Variants in VARS1 observed in about 807,000 individuals in gnomAD.
VARS1 encodes the protein valine--tRNA ligase.
VARS1 carries 92 observed loss-of-function variants against 161.0 expected under a neutral mutation model. That is an observed-to-expected ratio of 0.57 (90% CI 0.48 to 0.68). VARS1 has a LOEUF of 0.68. VARS1 is among the 30% of genes least tolerant of loss of function. The probability of loss-of-function intolerance (pLI) is 0.00; values close to 1 mark genes in which losing one functional copy is unlikely to be tolerated. For missense variants in VARS1, 1,338 were observed against 1,695.9 expected, an observed-to-expected ratio of 0.79 and a Z score of 3.71; for synonymous variants, 595 against 682.5, an observed-to-expected ratio of 0.87 and a Z score of 2.00.
Position 31,782,135 on chromosome 6 carries a change from G to A in VARS1, c.2193C>T (p.Ile731=). The change falls in exon 18 of 30, where the codon ATC becomes ATT. Residue 731 remains isoleucine, a synonymous_variant. Coordinates refer to ENST00000375663, the MANE Select transcript of VARS1 (RefSeq NM_006295.3). This position sits in a 1 kb window ranked among gnomAD's most constrained non-coding sequence, Gnocchi z 8.3. ...ISRQLWWGHR[I]PAYFVTVSDP... ...CACTGACAGTGACAAAGTAGGCTGG[G>A]ATGCGATGGCCCCACCACAGCTGCC... 1 of 1,614,006 alleles carries A rather than the reference G, an allele frequency of 6.2e-7. No homozygotes were observed. Among genetic ancestry groups the A allele is most frequent in the Non-Finnish European group, 8.5e-7 (1 of 1,179,970 alleles).
Position 31,792,509 on chromosome 6 carries a change from C to T in VARS1, c.669G>A (p.Glu223=). 6.2e-7 allele frequency: 1 copy of T among 1,613,650 alleles called. No homozygotes were observed. The highest frequency in any genetic ancestry group is 2.2e-5 in the East Asian group (1 of 44,826). ...ARPLSHQPGP[E]APALPKTAAQ... ...CAGCTGTCTTTGGGAGGGCAGGAGCCTCGGGGCCTAGAGAGAGGTGCAGAA... is the reference window on the plus strand; with the variant it reads ...CAGCTGTCTTTGGGAGGGCAGGAGCTTCGGGGCCTAGAGAGAGGTGCAGAA... Residue 223 remains glutamate (E), a synonymous_variant, in exon 5 of 30, where the codon GAG becomes GAA. Transcript: ENST00000375663.
rs368578379 is a variant in VARS1 at position 31,777,614 on chromosome 6, G to T, written c.3775C>A (p.Leu1259Ile). 2.5e-6 allele frequency: 4 copies of T among 1,614,128 alleles called. No homozygotes were observed. The highest frequency in any genetic ancestry group is 3.4e-6 in the Non-Finnish European group (4 of 1,180,006). ...ELRKVDEAIA[L>I]FQKML ...GTGGATCACAGCATCTTCTGGAATA[G>T]GGCGATGGCCTCATCCACCTTCCTG... Residue 1259 changes from leucine to isoleucine, a missense_variant, in exon 30 of 30, where the codon CTA (leucine) becomes ATA (isoleucine). This residue lies in a region of VARS1 where 433 missense variants were observed against 586.2 expected (regional missense o/e 0.74). Transcript: ENST00000375663. The surrounding 1 kb of genome is among the most constrained non-coding windows in gnomAD (Gnocchi z 5.8).
Position 31,792,568 on chromosome 6 carries a change from C to T in VARS1, c.662-52G>A, listed in dbSNP as rs113020176. On this transcript the variant is annotated intron_variant, in intron 4 of 29. Coordinates refer to ENST00000375663, the MANE Select transcript of VARS1 (RefSeq NM_006295.3). Reference sequence around the variant, plus strand: ...TCAGCCAGCTGGGGACCCTCTTGGACGGCCATACTAGGTTTCAGATGGGGT... The same window carrying T: ...TCAGCCAGCTGGGGACCCTCTTGGATGGCCATACTAGGTTTCAGATGGGGT... The T allele has an allele frequency of 4.0e-5, 65 of 1,612,272 alleles. 2 individuals carry two copies. Among genetic ancestry groups the T allele is most frequent in the African/African-American group, 3.7e-4 (28 of 74,828 alleles).
At position 31,794,867 on chromosome 6, in the gene VARS1, C is replaced by T; in HGVS notation, c.351G>A (p.Pro117=). Residue 117 remains proline, a synonymous_variant, in exon 2 of 30, where the codon CCG becomes CCA. Transcript: ENST00000375663. ...GGGCCGAGCTTCGGAGTCCCAGGGC[C>T]GGCAGCGTTGCTCCACAGGCAGCTG... ...LIPAACGATL[P]ALGLRSSAQD... is the part of the protein sequence containing the mutation. 6.2e-7 allele frequency: 1 copy of T among 1,610,254 alleles called. No homozygotes were observed. The highest frequency in any genetic ancestry group is 1.1e-5 in the South Asian group (1 of 90,970).
At chr6:31,783,461 G>GGCT (rs1813294107) in intron 13 of VARS1, among the ~76,000 whole-genome samples, 1 of 152,080 alleles carries the variant, frequency 6.6e-6, no homozygotes, top group Non-Finnish European at 1.5e-5. Flanking sequence ...AGTGAGCCAA[G>GGCT]ATGGTGCCAC....
rs372389450 is a variant in VARS1, at chr6:31,779,955, C to T, written c.3081+43G>A. On this transcript the variant is annotated intron_variant, in intron 26 of 29. Transcript: ENST00000375663. This position sits in a 1 kb window ranked among gnomAD's most constrained non-coding sequence, Gnocchi z 9.1. ...AAACTGAGCCCAGGGCTCTGCTGCCCACCTGCCCCCACCATCCCCTGCCCC... is the reference window on the plus strand; with the variant it reads ...AAACTGAGCCCAGGGCTCTGCTGCCTACCTGCCCCCACCATCCCCTGCCCC... 7.8e-5 allele frequency: 125 copies of T among 1,610,280 alleles called. No individual in the cohort carries two copies. The highest frequency in any genetic ancestry group is 9.5e-5 in the Non-Finnish European group (112 of 1,178,222).
In VARS1 at chr6:31,780,339, T is replaced by C; in HGVS notation, c.2925+102A>G. The C allele has an allele frequency of 6.5e-7, 1 of 1,544,792 alleles. No homozygotes were observed. Among genetic ancestry groups the C allele is most frequent in the Non-Finnish European group, 8.7e-7 (1 of 1,145,672 alleles). On this transcript the variant is annotated intron_variant, in intron 25 of 29. Transcript: ENST00000375663. This position sits in a 1 kb window ranked among gnomAD's most constrained non-coding sequence, Gnocchi z 5.1. ...GCGCTGGGCTTTCCCTTTAACTGTC[T>C]GTCTCTGTGTCTATCTGTCCCCCCA... is the stretch of plus-strand genomic sequence containing the variant.
chr6:31,786,246 T>G, intron 8 of VARS1, among the ~76,000 whole-genome samples: 1 of 150,420 alleles, frequency 6.6e-6, no homozygotes. Context: ...GGTGACAGAG[T>G]GAGACTCCGT....
At position 31,778,971 on chromosome 6, in the gene VARS1, G is replaced by A. The variant is rs1436036900; in HGVS notation, c.3722C>T (p.Ala1241Val). 6.2e-7 allele frequency: 1 copy of A among 1,613,054 alleles called. No homozygotes were observed. Among genetic ancestry groups the A allele is most frequent in the East Asian group, 2.2e-5 (1 of 44,892 alleles). Residue 1241 changes from alanine (A) to valine (V), a missense_variant, in exon 29 of 30, where the codon GCC (alanine) becomes GTC (valine). Coordinates refer to ENST00000375663, the MANE Select transcript of VARS1 (RefSeq NM_006295.3). This position sits in a 1 kb window ranked among gnomAD's most constrained non-coding sequence, Gnocchi z 5.1. ...ATGCCCACCCAGGCCACACACCTTG[G>A]CTTCATCTGCCTCCTGGACTTCGAG... ...VPLEVQEADEAKLQQTEAELR... is the reference protein window; with the variant it reads ...VPLEVQEADEVKLQQTEAELR...
At chr6:31,786,910 A>G (rs1428767192) in intron 8 of VARS1, among the ~76,000 whole-genome samples, 2 of 152,010 alleles carry the variant, frequency 1.3e-5, no homozygotes, top group Non-Finnish European at 2.9e-5. Flanking sequence ...ACCAATAGTC[A>G]CAAAAAGAAA....
rs770966756 is a variant in VARS1, at chr6:31,795,214, A to G, written c.4T>C (p.Ser2Pro). ...GGGTGAGGGGAGACGTAGAGGGTGG[A>G]CATAGTTATGAGAAGGTCCGAACGA... M[S>P]TLYVSPHPDA... is the part of the protein sequence containing the mutation. The change falls in exon 2 of 30, where the codon TCC becomes CCC. Residue 2 changes from serine (S) to proline (P), a missense_variant. Around this residue, in one of 3 missense-constraint regions of VARS1, gnomAD observed 902 missense variants for 1,090.3 expected, o/e 0.83. Coordinates refer to ENST00000375663, the MANE Select transcript of VARS1 (RefSeq NM_006295.3). The surrounding 1 kb of genome is among the most constrained non-coding windows in gnomAD (Gnocchi z 6.9). 1 of 1,442,434 alleles carries G rather than the reference A, an allele frequency of 6.9e-7. No individual in the cohort carries two copies. The highest frequency in any genetic ancestry group is 1.6e-5 in the South Asian group (1 of 63,534). The allele number at this position is 1,442,434 out of a possible 1,614,324, so 89.4% of individuals were successfully genotyped here.
Position 31,781,495 on chromosome 6 carries a change from G to A in VARS1, c.2530C>T (p.Leu844=). ...TGTCTCCGCACCTCTCTAAAGGGCA[G>A]CCTGCCCGTGAGCTTCAGGCCCAGC... ...VMLGLKLTGR[L]PFREVYLHAI... The change falls in exon 21 of 30, where the codon CTG becomes TTG. Residue 844 remains leucine, a synonymous_variant. Coordinates refer to ENST00000375663, the MANE Select transcript of VARS1 (RefSeq NM_006295.3). The surrounding 1 kb of genome is among the most constrained non-coding windows in gnomAD (Gnocchi z 6.8). 1.9e-6 allele frequency: 3 copies of A among 1,612,714 alleles called. No homozygotes were observed. Among genetic ancestry groups the A allele is most frequent in the Non-Finnish European group, 8.5e-7 (1 of 1,179,940 alleles).
At position 31,777,631 on chromosome 6, in the gene VARS1, A is replaced by G. The variant is rs1213097005; in HGVS notation, c.3758T>C (p.Val1253Ala). 1.2e-6 allele frequency: 2 copies of G among 1,613,882 alleles called. No homozygotes were observed. Among genetic ancestry groups the G allele is most frequent in the Admixed American group, 1.7e-5 (1 of 60,004 alleles). Residue 1253 changes from valine (V) to alanine (A), a missense_variant, in exon 30 of 30, where the codon GTG becomes GCG. Coordinates refer to ENST00000375663, the MANE Select transcript of VARS1 (RefSeq NM_006295.3). The surrounding 1 kb of genome is among the most constrained non-coding windows in gnomAD (Gnocchi z 5.8). ...LQQTEAELRK[V>A]DEAIALFQKM... ...CTGGAATAGGGCGATGGCCTCATCC[A>G]CCTTCCTGAGCTCTGCTTCTGTCTG...
In VARS1 at chr6:31,791,811, C is replaced by T; in HGVS notation, c.972+60G>A. On this transcript the variant is annotated intron_variant, in intron 7 of 29. Coordinates refer to ENST00000375663, the MANE Select transcript of VARS1 (RefSeq NM_006295.3). This position sits in a 1 kb window ranked among gnomAD's most constrained non-coding sequence, Gnocchi z 5.0. ...CCCAGCCCCTCCCAGGCAACACATC[C>T]TTCAGTCCTGCCCTTCCCCACCCCA... The T allele has an allele frequency of 6.2e-7, 1 of 1,612,890 alleles. No individual in the cohort carries two copies.
chr6:31,783,189 G>A lies in VARS1; in HGVS notation c.1672-3C>T, dbSNP rs1224368666. On this transcript the variant is annotated splice_polypyrimidine_tract_variant and splice_region_variant and intron_variant, in intron 13 of 29. Transcript: ENST00000375663. ...ATCACGTTCTTCCCCTTCAGGTGCT[G>A]GGGGCGGAAAGATACCAAAAACGCA... is the stretch of plus-strand genomic sequence containing the variant. The A allele has an allele frequency of 1.9e-6, 3 of 1,612,180 alleles. No homozygotes were observed. The highest frequency in any genetic ancestry group is 2.2e-5 in the East Asian group (1 of 44,868).
chr6:31,785,247 G>T lies in VARS1; in HGVS notation c.1346C>A (p.Pro449His). The change falls in exon 10 of 30, where the codon CCT becomes CAT. Residue 449 changes from proline to histidine, a missense_variant and splice_region_variant. By Grantham distance (77) the Pro-to-His change is moderately conservative. Coordinates refer to ENST00000375663, the MANE Select transcript of VARS1 (RefSeq NM_006295.3). The surrounding 1 kb of genome is among the most constrained non-coding windows in gnomAD (Gnocchi z 6.1). The part of the protein sequence containing the change: ...DWDRACFTMD[P>H]KLSAAVTEAF... ...AGCTTTGACACTCCTCCCACGCACA[G>T]GGTCCATGGTGAAACAGGCTCGATC... 4 of 1,613,080 alleles carry T rather than the reference G, an allele frequency of 2.5e-6. No individual in the cohort carries two copies. Among genetic ancestry groups the T allele is most frequent in the Non-Finnish European group, 3.4e-6 (4 of 1,180,022 alleles).
chr6:31,789,131 T>C (rs1027330743), intron 8 of VARS1, among the ~76,000 whole-genome samples: 3 of 151,654 alleles, frequency 2.0e-5, no homozygotes, highest in Non-Finnish European at 4.4e-5. Flanking sequence ...TGAAAACAAA[T>C]AGTAACAGAA....
chr6:31,778,013 G>A lies in VARS1; in HGVS notation c.3727-351C>T, dbSNP rs371339629. Reference sequence around the variant, plus strand: ...GATGATGATATTGCCCCCCTCCCAGGGCTCTTGGGAGAACCAAGTGAGATT... The same window carrying A: ...GATGATGATATTGCCCCCCTCCCAGAGCTCTTGGGAGAACCAAGTGAGATT... On this transcript the variant is annotated intron_variant, in intron 29 of 29. Transcript: ENST00000375663. The surrounding 1 kb of genome is among the most constrained non-coding windows in gnomAD (Gnocchi z 5.1). 1.0e-4 allele frequency: 38 copies of A among 369,576 alleles called. No individual in the cohort carries two copies. The highest frequency in any genetic ancestry group is 7.4e-4 in the African/African-American group (36 of 48,750). 22.9% of individuals were successfully genotyped at this position (369,576 alleles called of 1,614,324 possible). A position where few individuals can be genotyped will look rare whatever the true frequency, so the allele number is the denominator to read the frequency against.
chr6:31,778,567 T>C lies in VARS1; in HGVS notation c.3726+400A>G, dbSNP rs1356905026. Among the ~76,000 whole-genome samples, 3 of 152,108 alleles carry C rather than the reference T, an allele frequency of 2.0e-5. No homozygotes were observed. The highest frequency in any genetic ancestry group is 7.2e-5 in the African/African-American group (3 of 41,408). ...CTCTGTTGCCCAGGCTCAAGTGCAG[T>C]GGCATGATCTCGGCTCACTGCAGTC... On this transcript the variant is annotated intron_variant, in intron 29 of 29. Coordinates refer to ENST00000375663, the MANE Select transcript of VARS1 (RefSeq NM_006295.3). The surrounding 1 kb of genome is among the most constrained non-coding windows in gnomAD (Gnocchi z 5.1).
Sources: allele counts gnomAD v4.1 joint callset (sites outside exome capture counted in the v4.1 genomes callset), GRCh38; gene constraint gnomAD v4.1.1; regional missense constraint gnomAD v4.1.1; non-coding constraint Gnocchi (gnomAD v3.1); transcripts MANE v1.5; gene names NCBI Gene and HGNC (gene_info 2026-07-23, HGNC 2026-07-21).